Variants in CAPN5 observed in about 807,000 individuals in gnomAD.
CAPN5 encodes the protein calpain 5, also known as calpain-5.
CAPN5 carries 54 observed loss-of-function variants against 73.0 expected under a neutral mutation model. That is an observed-to-expected ratio of 0.74 (90% confidence interval 0.59 to 0.93). CAPN5 has a LOEUF of 0.93. CAPN5 is among the 40% of genes least tolerant of loss of function. CAPN5 has a pLI of 0.00. For synonymous variants in CAPN5, 335 were observed against 356.9 expected, an observed-to-expected ratio of 0.94 and a Z score of 0.69; for missense variants, 785 against 882.9, an observed-to-expected ratio of 0.89 and a Z score of 1.41.
chr11:77,073,094 A>AGCAC, intron 1 of CAPN5: 1 of 1,289,832 alleles, frequency 7.8e-7, no homozygotes, highest in Non-Finnish European at 1.0e-6. Flanking sequence ...ACCTGCTGTC[A>AGCAC]GCACTTTCTC....
chr11:77,125,606 C>T lies in CAPN5; in HGVS notation c.*1736C>T, dbSNP rs1555043741. Reference sequence around the variant, plus strand: ...CCCTTTCTCTATGTATCTCTGTATGCACACGCACTATATATATATATATAT... The same window carrying T: ...CCCTTTCTCTATGTATCTCTGTATGTACACGCACTATATATATATATATAT... On this transcript the variant is annotated 3_prime_UTR_variant, in exon 13 of 13. Coordinates refer to ENST00000648180, the MANE Select transcript of CAPN5 (RefSeq NM_004055.5). 1.4e-5 allele frequency: 2 copies of T among 140,078 alleles called. No homozygotes were observed. Among genetic ancestry groups the T allele is most frequent in the African/African-American group, 6.1e-5 (2 of 32,654 alleles). 8.7% of individuals were successfully genotyped at this position (140,078 alleles called of 1,614,324 possible). A position where few individuals can be genotyped will look rare whatever the true frequency, so the allele number is the denominator to read the frequency against.
At chr11:77,075,706 G>A (rs1207002563) in intron 1 of CAPN5, among the ~76,000 whole-genome samples, 1 of 152,102 alleles carries the variant, frequency 6.6e-6, no homozygotes, top group African/African-American at 2.4e-5. Flanking sequence ...TGAAGCATAT[G>A]TAACTGATCT....
chr11:77,123,598 C>G (rs1950544323), intron 12 of CAPN5, 90 bp from the exon 13 acceptor site: 3 of 1,124,358 alleles, frequency 2.7e-6, no homozygotes, highest in Admixed American at 2.0e-5. Flanking sequence ...CACTTCAAGG[C>G]CCTGCCACCA....
intron 1 of CAPN5, among the ~76,000 whole-genome samples, chr11:77,071,054 G>A (rs1426029791): frequency 6.6e-6 from 1 of 152,194 alleles, no homozygotes; most frequent in Non-Finnish European, 1.5e-5. Flanking sequence ...GATTCGGTTG[G>A]GAGTATCTTT....
chr11:77,089,698 C>A lies in CAPN5; in HGVS notation c.166-3984C>A, dbSNP rs528469352. On this transcript the variant is annotated intron_variant, in intron 2 of 12. Coordinates refer to ENST00000648180, the MANE Select transcript of CAPN5 (RefSeq NM_004055.5). ...GACCAGCCTGGCCAACATAGTGAAA[C>A]CCTGTCTCTACTAAAAATAGAAAAA... Among the ~76,000 whole-genome samples the A allele has an allele frequency of 6.7e-4, 102 of 152,282 alleles. 1 individual carries two copies. Among genetic ancestry groups the A allele is most frequent in the South Asian group, 1.5e-3 (7 of 4,820 alleles).
At chr11:77,122,095 C>G (rs1278291990) in intron 11 of CAPN5, 46 bp downstream of exon 11, 1 of 1,156,408 alleles carries the variant, frequency 8.6e-7, no homozygotes, top group Non-Finnish European at 1.2e-6. Context: ...GCCAGTTGTC[C>G]CATGGCCTCT....
chr11:77,079,149 C>CTTATTATTATTA (rs57426663), intron 1 of CAPN5, among the ~76,000 whole-genome samples: 2 of 150,326 alleles, frequency 1.3e-5, no homozygotes, highest in African/African-American at 4.9e-5. Flanking sequence ...AATTATTTGC[C>CTTATTATTATTA]TTATTATTAT....
chr11:77,074,276 C>A (rs1348482480), intron 1 of CAPN5, among the ~76,000 whole-genome samples: 1 of 152,024 alleles, frequency 6.6e-6, no homozygotes, highest in Non-Finnish European at 1.5e-5. Flanking sequence ...TAGTCTTGCC[C>A]CTGGCTCCCC....
At chr11:77,105,549 G>T (rs1489935873) in intron 3 of CAPN5, among the ~76,000 whole-genome samples, 4 of 152,202 alleles carry the variant, frequency 2.6e-5, no homozygotes, top group African/African-American at 9.7e-5. Context: ...ACTGGGCAGG[G>T]GGTGGATGGA....
chr11:77,082,623 T>C (rs1555034793), intron 1 of CAPN5, among the ~76,000 whole-genome samples: 1 of 152,136 alleles, frequency 6.6e-6, no homozygotes, highest in African/African-American at 2.4e-5. Context: ...CAGGTGAGGC[T>C]GGAGGGATGG....
At chr11:77,120,670 A>G in intron 9 of CAPN5, 43 bp from the exon 10 acceptor site, 2 of 1,437,006 alleles carry the variant, frequency 1.4e-6, no homozygotes, top group South Asian at 1.2e-5. Context: ...AGGGTGTTGT[A>G]GGGTGTGTCT....
At chr11:77,083,524 A>G (rs1245030175) in intron 1 of CAPN5, among the ~76,000 whole-genome samples, 2 of 152,092 alleles carry the variant, frequency 1.3e-5, no homozygotes, top group African/African-American at 2.4e-5. Context: ...ACCTCACCTC[A>G]CTGAGCCGCA....
intron 2 of CAPN5, chr11:77,087,861 TC>T: frequency 6.6e-7 from 1 of 1,526,402 alleles, no homozygotes; most frequent in South Asian, 1.2e-5. Flanking sequence ...CCAGGCCTTG[TC>T]CTCTTGGGTG....
At position 77,114,346 on chromosome 11, in the gene CAPN5, T is replaced by G. The variant is rs781927711; in HGVS notation, c.611T>G (p.Phe204Cys). 6.2e-7 allele frequency: 1 copy of G among 1,614,186 alleles called. No homozygotes were observed. The highest frequency in any genetic ancestry group is 8.5e-7 in the Non-Finnish European group (1 of 1,180,026). The change falls in exon 5 of 13, where the codon TTT becomes TGT. Residue 204 changes from phenylalanine to cysteine, a missense_variant. By Grantham distance (205) the Phe-to-Cys change is radical. Transcript: ENST00000648180. ...SEPIDLTEGDFANDETKRNQL... is the reference protein window; with the variant it reads ...SEPIDLTEGDCANDETKRNQL... Reference sequence around the variant, plus strand: ...CCCATCGACCTGACCGAGGGTGACTTTGCCAACGATGAGACTAAGAGGAAC... The same window carrying G: ...CCCATCGACCTGACCGAGGGTGACTGTGCCAACGATGAGACTAAGAGGAAC...
At chr11:77,096,950 C>A (rs551247275) in intron 3 of CAPN5, among the ~76,000 whole-genome samples, 1 of 152,132 alleles carries the variant, frequency 6.6e-6, no homozygotes, top group South Asian at 2.1e-4. Flanking sequence ...CAGCCAGGCG[C>A]GGTGGCTCAC....
chr11:77,090,656 G>C (rs1950139271), intron 2 of CAPN5, among the ~76,000 whole-genome samples: 1 of 152,214 alleles, frequency 6.6e-6, no homozygotes, highest in Non-Finnish European at 1.5e-5. Flanking sequence ...AGGGACACCT[G>C]AGTCACTTCC....
intron 5 of CAPN5, among the ~76,000 whole-genome samples, chr11:77,114,776 T>G (rs1376806955): frequency 6.6e-6 from 1 of 152,260 alleles, no homozygotes; most frequent in Non-Finnish European, 1.5e-5. Flanking sequence ...TAGCAGACCC[T>G]GTGCTGTGCT....
chr11:77,098,972 A>C (rs1182729897), intron 3 of CAPN5, among the ~76,000 whole-genome samples: 1 of 30,818 alleles, frequency 3.2e-5, no homozygotes, highest in African/African-American at 1.9e-4. Flanking sequence ...CACTTCTCAG[A>C]CGGGGTGGTT....
intron 1 of CAPN5, among the ~76,000 whole-genome samples, chr11:77,070,080 G>A (rs1949887329): frequency 6.6e-6 from 1 of 152,230 alleles, no homozygotes. Context: ...TGGATGATGT[G>A]TGCTTACCCG....
Sources: allele counts gnomAD v4.1 joint callset (sites outside exome capture counted in the v4.1 genomes callset), GRCh38; gene constraint gnomAD v4.1.1; transcripts MANE v1.5; gene names NCBI Gene and HGNC (gene_info 2026-07-23, HGNC 2026-07-21).